DTD1: variants seen among roughly 807,000 people sequenced by gnomAD.
The protein encoded by DTD1 is D-aminoacyl-tRNA deacylase 1, also known as D-tyrosyl-tRNA deacylase 1 homolog.
In DTD1, 13 loss-of-function variants were observed where a neutral mutation model predicts 25.6. The ratio of observed to expected loss-of-function variants is 0.51; its 90% CI spans 0.33 to 0.81. DTD1 has a LOEUF of 0.81. Ranked by LOEUF, DTD1 falls within the 30% of genes least tolerant of loss-of-function variation. The pLI, the probability that DTD1 is intolerant of heterozygous loss-of-function variation, is 0.02. For missense variants in DTD1, 193 were observed against 266.4 expected, an observed-to-expected ratio of 0.72 and a Z score of 1.92; for synonymous variants, 110 against 103.6, an observed-to-expected ratio of 1.06 and a Z score of -0.37.
At chr20:18,645,024 G>A (rs1487844592) in intron 4 of DTD1, among the ~76,000 whole-genome samples, 1 of 152,150 alleles carries the variant, frequency 6.6e-6, no homozygotes, top group Non-Finnish European at 1.5e-5. Context: ...GGTGGTGCAC[G>A]TTTGTAGTCC....
chr20:18,662,231 T>G (rs1474501200), intron 4 of DTD1, among the ~76,000 whole-genome samples: 5 of 152,192 alleles, frequency 3.3e-5, no homozygotes, highest in Non-Finnish European at 7.3e-5. Flanking sequence ...TGTTTTGCCT[T>G]GTTAGATAGG....
chr20:18,649,158 C>T (rs1181390726), intron 4 of DTD1, among the ~76,000 whole-genome samples: 1 of 151,658 alleles, frequency 6.6e-6, no homozygotes, highest in Admixed American at 6.6e-5. Context: ...GTCCTGCCAC[C>T]ACTGTCTTGT....
At chr20:18,687,352 T>C (rs1443792099) in intron 4 of DTD1, among the ~76,000 whole-genome samples, 1 of 152,148 alleles carries the variant, frequency 6.6e-6, no homozygotes, top group Middle Eastern at 3.2e-3. Flanking sequence ...ACACAGGGCC[T>C]CAAATCTGAG....
At chr20:18,671,143 G>C (rs758155012) in intron 4 of DTD1, among the ~76,000 whole-genome samples, 1 of 152,164 alleles carries the variant, frequency 6.6e-6, no homozygotes, top group Non-Finnish European at 1.5e-5. Context: ...GAGAAAGGCT[G>C]CCACTTCACA....
At chr20:18,753,223 T>C (rs964986981) in intron 5 of DTD1, among the ~76,000 whole-genome samples, 1 of 152,218 alleles carries the variant, frequency 6.6e-6, no homozygotes, top group African/African-American at 2.4e-5. Context: ...GCTGCTATTC[T>C]ATCATTGCAG....
chr20:18,668,100 C>T (rs555756617), intron 4 of DTD1, among the ~76,000 whole-genome samples: 1 of 152,254 alleles, frequency 6.6e-6, no homozygotes, highest in East Asian at 1.9e-4. Flanking sequence ...TTACAAATGT[C>T]AGTATTTGGT....
intron 4 of DTD1, among the ~76,000 whole-genome samples, chr20:18,648,996 A>AG (rs1491298576): frequency 1.5e-4 from 2 of 13,212 alleles, no homozygotes; most frequent in African/African-American, 3.1e-4. Flanking sequence ...ACTCCATCTC[A>AG]AAAAAAAAAA....
chr20:18,658,247 T>G lies in DTD1; in HGVS notation c.477+30014T>G, dbSNP rs77912704. On this transcript the variant is annotated intron_variant, in intron 4 of 5. Transcript: ENST00000377452. The stretch of plus-strand genomic sequence containing the variant: ...TGTGTGTTTCCCCCACCCCTGTGTG[T>G]TGTTGTTGTTGTTTTTAAAAGATTT... 8.4e-3 allele frequency among the ~76,000 whole-genome samples: 1,274 copies of G among 150,874 alleles called. 18 individuals are homozygous for G. Among genetic ancestry groups the G allele is most frequent in the African/African-American group, 0.029 (1,206 of 41,118 alleles).
chr20:18,740,315 T>G (rs377494718), intron 4 of DTD1, among the ~76,000 whole-genome samples: 142 of 152,342 alleles, frequency 9.3e-4, no homozygotes, highest in Admixed American at 1.6e-3. Flanking sequence ...TTTTGTTTTT[T>G]TTTTGTTTTG....
At chr20:18,671,891 G>A (rs6081286) in intron 4 of DTD1, among the ~76,000 whole-genome samples, 55,019 of 151,990 alleles carry the variant, frequency 0.36, 10,284 homozygotes, top group Non-Finnish European at 0.41. Context: ...TCACCAGAAC[G>A]TTCAAGAGCA....
chr20:18,641,160 T>C (rs1428169186), intron 4 of DTD1, among the ~76,000 whole-genome samples: 1 of 152,222 alleles, frequency 6.6e-6, no homozygotes, highest in Admixed American at 6.5e-5. Flanking sequence ...TTGAGCCTTA[T>C]GTTCATAGCA....
chr20:18,705,634 A>T (rs531589476), intron 4 of DTD1, among the ~76,000 whole-genome samples: 164 of 152,182 alleles, frequency 1.1e-3, no homozygotes, highest in African/African-American at 3.7e-3. Flanking sequence ...GTGAGCTCAG[A>T]GGCAGAGGCC....
chr20:18,631,953 G>T, intron 4 of DTD1: 1 of 953,716 alleles, frequency 1.0e-6, no homozygotes, highest in Non-Finnish European at 1.2e-6. Flanking sequence ...TATTTTGGGT[G>T]AGTAAGTCTC....
Position 18,596,154 on chromosome 20 carries a change from C to A in DTD1, c.283C>A (p.Leu95Ile), listed in dbSNP as rs868583438. 6.2e-7 allele frequency: 1 copy of A among 1,614,154 alleles called. No individual in the cohort carries two copies. Among genetic ancestry groups the A allele is most frequent in the Non-Finnish European group, 8.5e-7 (1 of 1,180,020 alleles). ...VLKGNKPDFHLAMPTEQAEGF... is the reference protein window; with the variant it reads ...VLKGNKPDFHIAMPTEQAEGF... ...GAAGGGAAACAAGCCTGATTTCCAC[C>A]TAGCAATGCCCACGGAGCAGGCAGA... The change falls in exon 3 of 6, where the codon CTA (leucine) becomes ATA (isoleucine). Residue 95 changes from leucine (L) to isoleucine (I), a missense_variant. By Grantham distance (5) the Leu-to-Ile change is conservative. Transcript: ENST00000377452.
intron 4 of DTD1, among the ~76,000 whole-genome samples, chr20:18,651,853 G>A (rs1427144777): frequency 6.6e-6 from 1 of 152,200 alleles, no homozygotes; most frequent in Admixed American, 6.5e-5. Flanking sequence ...TAGGGCATAG[G>A]GCTTGCCAGA....
chr20:18,598,268 G>C (rs2060619789), intron 3 of DTD1, among the ~76,000 whole-genome samples: 1 of 151,932 alleles, frequency 6.6e-6, no homozygotes, highest in Non-Finnish European at 1.5e-5. Context: ...TGAGAATGAT[G>C]GTTTCCAGCT....
At chr20:18,653,605 A>G (rs2060881965) in intron 4 of DTD1, among the ~76,000 whole-genome samples, 1 of 152,252 alleles carries the variant, frequency 6.6e-6, no homozygotes, top group African/African-American at 2.4e-5. Flanking sequence ...CAAATAGCAT[A>G]CTTGTTTAAC....
chr20:18,686,646 CTG>C (rs56350174), intron 4 of DTD1, among the ~76,000 whole-genome samples: 22,604 of 148,870 alleles, frequency 0.15, 1,746 homozygotes, highest in Admixed American at 0.2. Flanking sequence ...TATTTATTAG[CTG>C]TGTGTGTGTG....
chr20:18,721,827 G>T (rs546932283), intron 4 of DTD1, among the ~76,000 whole-genome samples: 10 of 152,154 alleles, frequency 6.6e-5, no homozygotes, highest in African/African-American at 2.4e-4. Flanking sequence ...AAGCTGTGGG[G>T]GCTGGGTAGT....
Sources: gnomAD v4.1 joint callset for allele counts (sites outside exome capture counted in the v4.1 genomes callset) on GRCh38, gnomAD v4.1.1 for gene constraint, MANE v1.5 for transcripts, NCBI Gene and HGNC (gene_info 2026-07-23, HGNC 2026-07-21) for gene names.